The following ANKRD30B variants were observed in gnomAD, a reference collection of about 807,000 sequenced individuals.
ANKRD30B encodes the protein ankyrin repeat domain 30B.
A neutral mutation model predicts 202.2 loss-of-function variants in ANKRD30B; 144 were observed. The observed-to-expected ratio is 0.71, with a 90% CI of 0.62 to 0.82. The LOEUF (loss-of-function observed/expected upper bound fraction) is 0.82, where lower values mean the gene tolerates loss of function less well. Ranked by LOEUF, ANKRD30B falls within the 40% of genes least tolerant of loss-of-function variation. The pLI, the probability that ANKRD30B is intolerant of heterozygous loss-of-function variation, is 0.00. For missense variants in ANKRD30B, 1,487 were observed against 1,669.1 expected (o/e 0.89, Z 1.90); for synonymous variants, 508 against 561.3 (o/e 0.91, Z 1.34).
At position 14,776,522 on chromosome 18, in the gene ANKRD30B, A is replaced by G. The variant is rs997301609; in HGVS notation, c.1330-1463A>G. ...AGGAGGAAGACATTCTGAACAGAGA[A>G]CAGTGGACCATATTTGTTCATCATT... On this transcript the variant is annotated intron_variant, in intron 9 of 43. Coordinates refer to ENST00000690538, the MANE Select transcript of ANKRD30B (RefSeq NM_001367607.2). Among the ~76,000 whole-genome samples the G allele has an allele frequency of 2.0e-3, 306 of 152,308 alleles. 1 individual carries two copies. The highest frequency in any genetic ancestry group is 6.8e-3 in the Middle Eastern group (2 of 294).
At chr18:14,920,148 G>A in the ANKRD30B span, among the ~76,000 whole-genome samples, 14 of 152,230 alleles carry the variant, frequency 9.2e-5, no homozygotes, top group Non-Finnish European at 1.2e-4. Flanking sequence ...GGCTGACCAT[G>A]TTGCCCCTTC....
At chr18:14,917,631 C>T in the ANKRD30B span, among the ~76,000 whole-genome samples, 3 of 152,192 alleles carry the variant, frequency 2.0e-5, no homozygotes, top group Non-Finnish European at 2.9e-5. Flanking sequence ...CATCAGAATC[C>T]CTCAGTGCTT....
rs532709275 is a variant in ANKRD30B, at chr18:14,817,458, A to T, written c.2641+2747A>T. Among the ~76,000 whole-genome samples, 24 of 152,274 alleles carry T rather than the reference A, an allele frequency of 1.6e-4. No individual in the cohort carries two copies. In the East Asian group the frequency reaches 4.1e-3, roughly 26 times the overall value. ...GAACTTCAGGGGTAATCAGATCACA[A>T]TTTAGAACCAGAGTTTTCAACCATA... is the stretch of plus-strand genomic sequence containing the variant. On this transcript the variant is annotated intron_variant, in intron 30 of 43. Transcript: ENST00000690538.
At chr18:14,763,549 A>G (rs1915596515) in intron 6 of ANKRD30B, 137 bp from the exon 7 acceptor site, 13 of 1,290,394 alleles carry the variant, frequency 1.0e-5, no homozygotes, top group Non-Finnish European at 1.1e-5. Flanking sequence ...GACTCCATCA[A>G]AAAAAAGAGA....
the ANKRD30B span, among the ~76,000 whole-genome samples, chr18:14,940,773 C>G: frequency 1.3e-5 from 2 of 152,184 alleles, no homozygotes; most frequent in African/African-American, 4.8e-5. Flanking sequence ...TTGACAATCT[C>G]TTTTTTCTGC....
chr18:14,902,935 AT>A, the ANKRD30B span, among the ~76,000 whole-genome samples: 2 of 152,166 alleles, frequency 1.3e-5, no homozygotes, highest in African/African-American at 4.8e-5. Context: ...GAGCATCTGT[AT>A]TTTTTCTGTG....
the ANKRD30B span, among the ~76,000 whole-genome samples, chr18:14,928,840 C>A: frequency 6.6e-6 from 1 of 152,170 alleles, no homozygotes; most frequent in Non-Finnish European, 1.5e-5. Context: ...TCAAAATCTG[C>A]CGAGTGGGGC....
chr18:14,910,484 AAT>A, the ANKRD30B span, among the ~76,000 whole-genome samples: 27 of 147,606 alleles, frequency 1.8e-4, no homozygotes, highest in East Asian at 4.0e-4. Flanking sequence ...ACAATGTAAA[AAT>A]ATATATATAT....
intron 32 of ANKRD30B, among the ~76,000 whole-genome samples, chr18:14,826,728 A>ACACACAC (rs1186812954): frequency 0.013 from 444 of 33,292 alleles, no homozygotes; most frequent in Non-Finnish European, 0.033. Flanking sequence ...CACACACACA[A>ACACACAC]GTACAGTAAT....
At position 14,845,452 on chromosome 18, in the gene ANKRD30B, C is replaced by T. The variant is rs1289427409; in HGVS notation, c.3181+2356C>T. 5.9e-5 allele frequency among the ~76,000 whole-genome samples: 9 copies of T among 151,814 alleles called. No individual in the cohort carries two copies. In the East Asian group the frequency reaches 1.5e-3, roughly 26 times the overall value. On this transcript the variant is annotated intron_variant, in intron 39 of 43. Transcript: ENST00000690538. ...TTGTCTAAGTTGTCATGTTTATTCACATAAATTTTATAATATTACCTTGTA... is the reference window on the plus strand; with the variant it reads ...TTGTCTAAGTTGTCATGTTTATTCATATAAATTTTATAATATTACCTTGTA...
the ANKRD30B span, among the ~76,000 whole-genome samples, chr18:14,890,953 T>C: frequency 6.6e-6 from 1 of 152,150 alleles, no homozygotes; most frequent in Non-Finnish European, 1.5e-5. Context: ...CTTTATTACA[T>C]ATATCTTCCT....
chr18:14,762,794 G>C lies in ANKRD30B; in HGVS notation c.821-892G>C, dbSNP rs531455868. Among the ~76,000 whole-genome samples the C allele has an allele frequency of 1.3e-3, 197 of 152,244 alleles. 3 individuals carry two copies. Among genetic ancestry groups the C allele is most frequent in the African/African-American group, 4.5e-3 (186 of 41,554 alleles). ...GCATTGTACAATATGAACTGTATGA[G>C]CACATCTTTATTATATATTTATCAA... On this transcript the variant is annotated intron_variant, in intron 6 of 43. Transcript: ENST00000690538.
At chr18:14,898,158 G>A in the ANKRD30B span, among the ~76,000 whole-genome samples, 3 of 152,016 alleles carry the variant, frequency 2.0e-5, no homozygotes, top group South Asian at 4.1e-4. Context: ...CCATACCATT[G>A]TCTGAAATAT....
chr18:14,867,721 G>T, the ANKRD30B span, among the ~76,000 whole-genome samples: 1 of 152,086 alleles, frequency 6.6e-6, no homozygotes, highest in Non-Finnish European at 1.5e-5. Flanking sequence ...TCCCCAGGGA[G>T]CCCCGGGCAC....
intron 30 of ANKRD30B, chr18:14,816,320 T>C (rs1241552175): frequency 2.0e-5 from 3 of 152,116 alleles, no homozygotes; most frequent in African/African-American, 7.2e-5. Flanking sequence ...TTTTTATTTT[T>C]TTGTTCAGCG....
the ANKRD30B span, among the ~76,000 whole-genome samples, chr18:14,929,564 C>G: frequency 3.3e-5 from 5 of 152,118 alleles, no homozygotes; most frequent in Admixed American, 2.0e-4. Flanking sequence ...GACAATGAGT[C>G]CAATTTTTTT....
At chr18:14,824,911 A>G (rs991231887) in intron 32 of ANKRD30B, among the ~76,000 whole-genome samples, 3 of 152,218 alleles carry the variant, frequency 2.0e-5, no homozygotes, top group African/African-American at 7.2e-5. Flanking sequence ...AACTTTGTCT[A>G]AAATCCATTT....
intron 24 of ANKRD30B, among the ~76,000 whole-genome samples, chr18:14,806,100 G>C (rs142835755): frequency 0.013 from 1,991 of 149,272 alleles, 66 homozygotes; most frequent in Non-Finnish European, 0.018. Context: ...GGTGCCTGTA[G>C]TCCCAGCCAC....
At chr18:14,896,421 G>C in the ANKRD30B span, among the ~76,000 whole-genome samples, 1 of 151,792 alleles carries the variant, frequency 6.6e-6, no homozygotes, top group Admixed American at 6.6e-5. Context: ...GTGAGCCACC[G>C]CGCCCGGCCT....
Sources: allele counts gnomAD v4.1 joint callset (sites outside exome capture counted in the v4.1 genomes callset), GRCh38; gene constraint gnomAD v4.1.1; transcripts MANE v1.5; gene names NCBI Gene and HGNC (gene_info 2026-07-23, HGNC 2026-07-21).